Variants in DSCAM observed in about 807,000 individuals in gnomAD.
The protein encoded by DSCAM is cell adhesion molecule DSCAM.
Under a neutral mutation model 217.7 loss-of-function variants are expected in DSCAM, and 47 were observed. That is an observed-to-expected ratio of 0.22 (90% CI 0.17 to 0.28). The LOEUF is 0.28. Among genes scored for constraint, DSCAM ranks in the 10% least tolerant of loss-of-function variants. The pLI is 1.00. For missense variants in DSCAM, 2,080 were observed against 2,618.3 expected (o/e 0.79, Z 4.49); for synonymous variants, 1,056 against 1,015.3 (o/e 1.04, Z -0.76).
At chr21:40,154,646 A>G (rs2090458329) in intron 16 of DSCAM, among the ~76,000 whole-genome samples, 2 of 152,168 alleles carry the variant, frequency 1.3e-5, no homozygotes, top group Non-Finnish European at 2.9e-5. Context: ...GGGTAGATGT[A>G]TGGCCACGTG....
At chr21:40,096,001 G>A (rs558519391) in intron 20 of DSCAM, among the ~76,000 whole-genome samples, 1 of 152,160 alleles carries the variant, frequency 6.6e-6, no homozygotes, top group African/African-American at 2.4e-5. Context: ...GGTGTGGAAG[G>A]AAAATAAATA....
intron 1 of DSCAM, among the ~76,000 whole-genome samples, chr21:40,784,908 A>G (rs573434275): frequency 4.6e-5 from 7 of 152,344 alleles, no homozygotes; most frequent in Middle Eastern, 3.4e-3. Context: ...TAGTAGCCCA[A>G]GTGAACTGAG....
intron 11 of DSCAM, 27 bp from the exon 12 acceptor site, chr21:40,189,265 G>T: frequency 6.6e-7 from 1 of 1,513,992 alleles, no homozygotes; most frequent in Non-Finnish European, 8.8e-7. Flanking sequence ...GACACAACTT[G>T]TTCAGCAAAG....
chr21:40,047,404 T>C (rs943662971), intron 30 of DSCAM, among the ~76,000 whole-genome samples: 1 of 152,194 alleles, frequency 6.6e-6, no homozygotes, highest in African/African-American at 2.4e-5. Flanking sequence ...AGCATTCTAA[T>C]ATAAATAAAA....
chr21:40,362,545 G>C (rs980700798), intron 4 of DSCAM, among the ~76,000 whole-genome samples: 9 of 152,154 alleles, frequency 5.9e-5, no homozygotes, highest in African/African-American at 2.2e-4. Flanking sequence ...AAATTTATCT[G>C]AGCTATTTTG....
chr21:40,488,927 G>A (rs1379704682), intron 3 of DSCAM, among the ~76,000 whole-genome samples: 3 of 152,180 alleles, frequency 2.0e-5, no homozygotes, highest in African/African-American at 7.2e-5. Context: ...CACGTGGAAA[G>A]AATATTATAG....
chr21:40,717,271 A>C (rs13048072), intron 1 of DSCAM, among the ~76,000 whole-genome samples: 3,610 of 152,360 alleles, frequency 0.024, 60 homozygotes, highest in Middle Eastern at 0.034. Context: ...AAGATTGTAA[A>C]GAGTGTCAGG....
rs370572269 is a variant in DSCAM, at chr21:40,382,327, T to C, written c.509-13082A>G. 3.3e-5 allele frequency among the ~76,000 whole-genome samples: 5 copies of C among 152,280 alleles called. No individual in the cohort carries two copies. The South Asian group carries it at 1.0e-3, about 32-fold the overall frequency. The stretch of plus-strand genomic sequence containing the variant: ...TGCCTCATCCTGACATTCAGGCCAA[T>C]TCTATGTCCTATCAGTTCTATTTTC... On this transcript the variant is annotated intron_variant, in intron 3 of 32. Coordinates refer to ENST00000400454, the MANE Select transcript of DSCAM (RefSeq NM_001389.5).
At chr21:40,449,890 TATA>T (rs1201628291) in intron 3 of DSCAM, among the ~76,000 whole-genome samples, 2 of 152,206 alleles carry the variant, frequency 1.3e-5, no homozygotes, top group African/African-American at 2.4e-5. Flanking sequence ...TTCTATACAT[TATA>T]ATAGTTGATG....
chr21:40,154,155 C>T (rs2090452064), intron 16 of DSCAM, among the ~76,000 whole-genome samples: 1 of 151,590 alleles, frequency 6.6e-6, no homozygotes, highest in African/African-American at 2.4e-5. Context: ...TTCCTCTCCT[C>T]TCTCCTTTCT....
intron 10 of DSCAM, among the ~76,000 whole-genome samples, chr21:40,286,205 A>T (rs2073821797): frequency 6.6e-6 from 1 of 152,200 alleles, no homozygotes; most frequent in Non-Finnish European, 1.5e-5. Flanking sequence ...GATTGGAGCC[A>T]CTGGTCCCAA....
intron 28 of DSCAM, among the ~76,000 whole-genome samples, chr21:40,060,527 G>T (rs2089100246): frequency 6.8e-6 from 1 of 146,208 alleles, no homozygotes; most frequent in Non-Finnish European, 1.5e-5. Flanking sequence ...CTGGAGGGCT[G>T]AAGGAGCCCT....
intron 3 of DSCAM, among the ~76,000 whole-genome samples, chr21:40,419,812 T>C (rs1455045719): frequency 6.6e-6 from 1 of 152,172 alleles, no homozygotes; most frequent in African/African-American, 2.4e-5. Context: ...ATTATTGTTA[T>C]TGGAACAAGG....
chr21:40,355,797 C>A (rs951029496), intron 4 of DSCAM, among the ~76,000 whole-genome samples: 1 of 152,180 alleles, frequency 6.6e-6, no homozygotes, highest in Non-Finnish European at 1.5e-5. Context: ...TGAGAGCCAT[C>A]TGGAACTTTG....
Position 40,637,233 on chromosome 21 carries a change from AT to A in DSCAM, c.508+55576del, listed in dbSNP as rs1568953798. On this transcript the variant is annotated intron_variant, in intron 3 of 32. Transcript: ENST00000400454. ...TATATATAAATATAAATATATATAT[AT>A]AAATATAAATATATATATAAATATA... Among the ~76,000 whole-genome samples, 5 of 6,036 alleles carry A rather than the reference AT, an allele frequency of 8.3e-4. 2 individuals are homozygous for A. The highest frequency in any genetic ancestry group is 6.3e-3 in the African/African-American group (3 of 476). 4.0% of individuals were successfully genotyped at this position (6,036 alleles called of 152,430 possible). A position where few individuals can be genotyped will look rare whatever the true frequency, so the allele number is the denominator to read the frequency against.
intron 3 of DSCAM, among the ~76,000 whole-genome samples, chr21:40,465,503 T>C (rs1052896372): frequency 6.6e-6 from 1 of 152,188 alleles, no homozygotes; most frequent in Non-Finnish European, 1.5e-5. Flanking sequence ...AGAAGCTCTG[T>C]TCCATTAAAA....
At chr21:40,030,623 A>G (rs2088503148) in intron 32 of DSCAM, among the ~76,000 whole-genome samples, 1 of 152,188 alleles carries the variant, frequency 6.6e-6, no homozygotes, top group Non-Finnish European at 1.5e-5. Flanking sequence ...ATTTTAGGTT[A>G]AAAGAACCCT....
At chr21:40,264,074 A>T (rs1189796058) in intron 11 of DSCAM, among the ~76,000 whole-genome samples, 1 of 152,152 alleles carries the variant, frequency 6.6e-6, no homozygotes, top group South Asian at 2.1e-4. Context: ...AAATGCCAAC[A>T]AAACAAAGCC....
intron 11 of DSCAM, among the ~76,000 whole-genome samples, chr21:40,220,575 A>T (rs16999525): frequency 0.039 from 5,916 of 152,294 alleles, 260 homozygotes; most frequent in African/African-American, 0.1. Flanking sequence ...AAGAAATTTG[A>T]TGTTATGCAA....
Sources: allele counts gnomAD v4.1 joint callset (sites outside exome capture counted in the v4.1 genomes callset), GRCh38; gene constraint gnomAD v4.1.1; transcripts MANE v1.5; gene names NCBI Gene and HGNC (gene_info 2026-07-23, HGNC 2026-07-21).